The following CPQ variants were observed in gnomAD, a reference collection of about 807,000 sequenced individuals.
CPQ encodes Ser-Met dipeptidase.
Under a neutral mutation model 45.7 loss-of-function variants are expected in CPQ, and 37 were observed. The ratio of observed to expected loss-of-function variants is 0.81; its 90% CI spans 0.62 to 1.07. The LOEUF is 1.07. Ranked by LOEUF, CPQ falls within the 50% of genes least tolerant of loss-of-function variation. The probability of loss-of-function intolerance (pLI) is 0.00; values close to 1 mark genes in which losing one functional copy is unlikely to be tolerated. For missense variants in CPQ, 537 were observed against 572.9 expected (o/e 0.94, Z 0.64); for synonymous variants, 186 against 205.8 (o/e 0.90, Z 0.82).
At chr8:97,001,726 T>C (rs1809285602) in intron 5 of CPQ, among the ~76,000 whole-genome samples, 1 of 143,702 alleles carries the variant, frequency 7.0e-6, no homozygotes, top group East Asian at 2.0e-4. Flanking sequence ...TCTTTCTTTT[T>C]TTTTTTTTTT....
intron 1 of CPQ, among the ~76,000 whole-genome samples, chr8:96,754,187 G>T (rs1311268736): frequency 6.6e-6 from 1 of 152,030 alleles, no homozygotes; most frequent in Admixed American, 6.6e-5. Context: ...TTCTTGAAAT[G>T]CATTCTAAGA....
chr8:97,060,879 C>T (rs1810538902), intron 6 of CPQ, among the ~76,000 whole-genome samples: 1 of 152,184 alleles, frequency 6.6e-6, no homozygotes, highest in African/African-American at 2.4e-5. Flanking sequence ...GCAGTTCTAA[C>T]ATCCCAGTGA....
At chr8:96,733,994 T>C (rs575600978) in intron 1 of CPQ, among the ~76,000 whole-genome samples, 14 of 152,210 alleles carry the variant, frequency 9.2e-5, no homozygotes, top group Admixed American at 2.0e-4. Flanking sequence ...TGTTCTCCAA[T>C]TCAGTAGTTG....
intron 4 of CPQ, among the ~76,000 whole-genome samples, chr8:96,958,200 G>A (rs77465425): frequency 0.024 from 3,618 of 152,154 alleles, 95 homozygotes; most frequent in African/African-American, 0.066. Flanking sequence ...ATAATGGTAA[G>A]TGAATAGTTG....
At chr8:96,746,772 T>C (rs1810189133) in intron 1 of CPQ, among the ~76,000 whole-genome samples, 1 of 152,208 alleles carries the variant, frequency 6.6e-6, no homozygotes, top group Non-Finnish European at 1.5e-5. Context: ...GTGTTTCCTA[T>C]AGTATTGCTC....
intron 1 of CPQ, among the ~76,000 whole-genome samples, chr8:96,733,522 G>A (rs1258093555): frequency 1.3e-5 from 2 of 152,146 alleles, no homozygotes; most frequent in East Asian, 1.9e-4. Flanking sequence ...ACGGTTAATA[G>A]TGAATACATG....
chr8:96,767,635 C>CTTTTTTTTTTT lies in CPQ; in HGVS notation c.-34-17213_-34-17203dup, dbSNP rs1172189500. On this transcript the variant is annotated intron_variant, in intron 1 of 7. Coordinates refer to ENST00000220763, the MANE Select transcript of CPQ (RefSeq NM_016134.4). Reference sequence around the variant, plus strand: ...AATCCCTTTCAGCTGGTTACCTATGCTTTTTTTTTTTTTTTTTTTTTTTTT... The same window carrying CTTTTTTTTTTT: ...AATCCCTTTCAGCTGGTTACCTATGCTTTTTTTTTTTTTTTTTTTTTTTTTTTTTTTTTTTT... 2.2e-3 allele frequency among the ~76,000 whole-genome samples: 86 copies of CTTTTTTTTTTT among 39,318 alleles called. 16 individuals carry two copies. The highest frequency in any genetic ancestry group is 3.1e-3 in the Non-Finnish European group (70 of 22,878). The allele number at this position is 39,318 out of a possible 152,430, so 25.8% of individuals were successfully genotyped here. A position where few individuals can be genotyped will look rare whatever the true frequency, so the allele number is the denominator to read the frequency against.
intron 1 of CPQ, among the ~76,000 whole-genome samples, chr8:96,772,319 G>A (rs1229099411): frequency 6.6e-6 from 1 of 152,100 alleles, no homozygotes; most frequent in Non-Finnish European, 1.5e-5. Context: ...GTTGAAAAGA[G>A]TGAGGTGTCC....
At chr8:96,919,281 C>A (rs529698738) in intron 4 of CPQ, among the ~76,000 whole-genome samples, 1 of 152,234 alleles carries the variant, frequency 6.6e-6, no homozygotes, top group South Asian at 2.1e-4. Flanking sequence ...ACTCCTGAAT[C>A]TTCCAAAGTA....
chr8:96,947,099 A>G (rs540876464), intron 4 of CPQ, among the ~76,000 whole-genome samples: 1 of 152,270 alleles, frequency 6.6e-6, no homozygotes, highest in African/African-American at 2.4e-5. Context: ...TGGTTTGATA[A>G]ATTCTTGGTG....
intron 4 of CPQ, among the ~76,000 whole-genome samples, chr8:96,929,880 A>G (rs1208196894): frequency 3.3e-5 from 5 of 152,198 alleles, no homozygotes; most frequent in Admixed American, 6.5e-5. Flanking sequence ...AGTAATTGCT[A>G]TGCTTTGGAA....
intron 2 of CPQ, 48 bp downstream of exon 2, chr8:96,785,378 C>T (rs1324479826): frequency 7.0e-7 from 1 of 1,432,144 alleles, no homozygotes; most frequent in Non-Finnish European, 9.5e-7. Flanking sequence ...AAACTAATGT[C>T]CCTTGGTGTA....
At chr8:96,868,701 A>G (rs1291834681) in intron 3 of CPQ, among the ~76,000 whole-genome samples, 2 of 151,932 alleles carry the variant, frequency 1.3e-5, no homozygotes, top group African/African-American at 4.8e-5. Context: ...ACCTATTTTT[A>G]TTATCCCATA....
At position 96,813,022 on chromosome 8, in the gene CPQ, A is replaced by G. The variant is rs187516807; in HGVS notation, c.434-21951A>G. On this transcript the variant is annotated intron_variant, in intron 2 of 7. Transcript: ENST00000220763. ...AGTTAGGTCAGAAGGATGTGGTTAT[A>G]AAATAAAGTGATTTCATTTTGTTTA... 9.1e-3 allele frequency among the ~76,000 whole-genome samples: 1,387 copies of G among 152,200 alleles called. 57 individuals are homozygous for G. The highest frequency in any genetic ancestry group is 0.083 in the Admixed American group (1,262 of 15,276).
chr8:97,142,951 G>C, intron 7 of CPQ, 69 bp from the exon 8 acceptor site: 1 of 1,480,728 alleles, frequency 6.8e-7, no homozygotes. Context: ...AAAGTGAAGG[G>C]GGAGAGGTGT....
At chr8:96,935,483 G>C (rs1813033245) in intron 4 of CPQ, among the ~76,000 whole-genome samples, 1 of 152,158 alleles carries the variant, frequency 6.6e-6, no homozygotes, top group East Asian at 1.9e-4. Context: ...GGGAAGAGGA[G>C]GTTCCCAAGA....
At chr8:96,816,448 A>C (rs1406569890) in intron 2 of CPQ, among the ~76,000 whole-genome samples, 1 of 152,096 alleles carries the variant, frequency 6.6e-6, no homozygotes, top group Non-Finnish European at 1.5e-5. Context: ...GAACCCCTCA[A>C]AGTCATCCAT....
intron 1 of CPQ, among the ~76,000 whole-genome samples, chr8:96,743,736 T>C (rs2130780704): frequency 6.6e-6 from 1 of 152,304 alleles, no homozygotes; most frequent in East Asian, 1.9e-4. Context: ...TACCCTGCCA[T>C]GTGAGGTGTC....
intron 6 of CPQ, among the ~76,000 whole-genome samples, chr8:97,031,031 C>T (rs762447383): frequency 1.3e-4 from 19 of 151,882 alleles, no homozygotes; most frequent in Non-Finnish European, 2.1e-4. Flanking sequence ...GGAACAGAGA[C>T]GTAAACAAGA....
Sources: gnomAD v4.1 joint callset for allele counts (sites outside exome capture counted in the v4.1 genomes callset) on GRCh38, gnomAD v4.1.1 for gene constraint, MANE v1.5 for transcripts, NCBI Gene and HGNC (gene_info 2026-07-23, HGNC 2026-07-21) for gene names.